The following FAM177A1 variants were observed in gnomAD, a reference collection of about 807,000 sequenced individuals.
The protein encoded by FAM177A1 is protein FAM177A1.
Under a neutral mutation model 26.1 loss-of-function variants are expected in FAM177A1, and 22 were observed. The ratio of observed to expected loss-of-function variants is 0.84; its 90% CI spans 0.60 to 1.20. The LOEUF is 1.20. Among genes scored for constraint, FAM177A1 ranks in the 50% most tolerant of loss-of-function variants. FAM177A1 has a pLI of 0.00. For synonymous variants in FAM177A1, 95 were observed against 99.3 expected, an observed-to-expected ratio of 0.96 and a Z score of 0.26; for missense variants, 296 against 291.1, an observed-to-expected ratio of 1.02 and a Z score of -0.12.
chr14:35,064,951 G>C (rs1318815503), intron 2 of FAM177A1, among the ~76,000 whole-genome samples: 2 of 152,120 alleles, frequency 1.3e-5, no homozygotes, highest in African/African-American at 4.8e-5. Context: ...TTACAGGCGT[G>C]AGCCACCGAG....
intron 2 of FAM177A1, among the ~76,000 whole-genome samples, chr14:35,059,033 T>A (rs1232055955): frequency 6.6e-6 from 1 of 152,052 alleles, no homozygotes; most frequent in Non-Finnish European, 1.5e-5. Flanking sequence ...CCTCCCGGGT[T>A]CACGCCATTC....
intron 2 of FAM177A1, among the ~76,000 whole-genome samples, chr14:35,057,325 A>G (rs1056190147): frequency 6.6e-6 from 1 of 152,246 alleles, no homozygotes; most frequent in African/African-American, 2.4e-5. Flanking sequence ...CCTCACAAGT[A>G]GTAGGGTTTA....
chr14:35,062,915 A>G (rs2045181369), intron 2 of FAM177A1, among the ~76,000 whole-genome samples: 2 of 148,768 alleles, frequency 1.3e-5, no homozygotes, highest in South Asian at 4.2e-4. Context: ...TAATTTTAGA[A>G]CTCGATTTGA....
At chr14:35,062,719 A>G (rs1460067268) in intron 2 of FAM177A1, among the ~76,000 whole-genome samples, 1 of 151,750 alleles carries the variant, frequency 6.6e-6, no homozygotes, top group Non-Finnish European at 1.5e-5. Flanking sequence ...GCTTGAGCCC[A>G]GGAATTCAAG....
At chr14:35,073,043 T>A (rs1394872708) in intron 2 of FAM177A1, among the ~76,000 whole-genome samples, 1 of 151,994 alleles carries the variant, frequency 6.6e-6, no homozygotes, top group Non-Finnish European at 1.5e-5. Flanking sequence ...ACTTTCATGA[T>A]GTTTTCTTTA....
chr14:35,060,707 G>A lies in FAM177A1; in HGVS notation c.339+7256G>A, dbSNP rs564474934. Among the ~76,000 whole-genome samples, 97 of 152,214 alleles carry A rather than the reference G, an allele frequency of 6.4e-4. 2 individuals are homozygous for A. In the South Asian group the frequency reaches 0.019, roughly 30 times the overall value. ...AATTAGCTAGCCTATAGTTTAGCCT[G>A]TATTTTTATTAAATCTAAGAATCTT... On this transcript the variant is annotated intron_variant, in intron 2 of 4. Transcript: ENST00000280987.
At chr14:35,066,260 G>A (rs919147369) in intron 2 of FAM177A1, among the ~76,000 whole-genome samples, 7 of 151,036 alleles carry the variant, frequency 4.6e-5, no homozygotes, top group Non-Finnish European at 1.0e-4. Flanking sequence ...TAGAGATAAG[G>A]TCTCATTATG....
Position 35,068,792 on chromosome 14 carries a change from G to A in FAM177A1, c.340-8358G>A, listed in dbSNP as rs559897942. Among the ~76,000 whole-genome samples the A allele has an allele frequency of 9.1e-4, 138 of 152,328 alleles. 2 individuals carry two copies. In the South Asian group the frequency reaches 0.028, roughly 30 times the overall value. ...TCATTGGCTTACAGTTGTGGAGGCT[G>A]GGAAGTCCAAGATTGAGCAACTGGC... On this transcript the variant is annotated intron_variant, in intron 2 of 4. Coordinates refer to ENST00000280987, the MANE Select transcript of FAM177A1 (RefSeq NM_173607.5).
intron 1 of FAM177A1, among the ~76,000 whole-genome samples, chr14:35,051,842 T>C (rs543592142): frequency 1.3e-5 from 2 of 152,342 alleles, no homozygotes; most frequent in African/African-American, 4.8e-5. Context: ...GATGAAACAA[T>C]GTATAAAAAC....
At chr14:35,071,984 A>G (rs900263572) in intron 2 of FAM177A1, among the ~76,000 whole-genome samples, 1 of 152,150 alleles carries the variant, frequency 6.6e-6, no homozygotes, top group Non-Finnish European at 1.5e-5. Context: ...AGCTATAGAA[A>G]AGAAAATGTT....
intron 2 of FAM177A1, among the ~76,000 whole-genome samples, chr14:35,072,517 TTCTG>T (rs1239774043): frequency 6.6e-6 from 1 of 152,150 alleles, no homozygotes; most frequent in Non-Finnish European, 1.5e-5. Context: ...ACGTAGTAAT[TTCTG>T]TCTGACTGTT....
chr14:35,055,251 C>T (rs143006209), intron 2 of FAM177A1, among the ~76,000 whole-genome samples: 2,147 of 144,534 alleles, frequency 0.015, 42 homozygotes, highest in African/African-American at 0.05. Flanking sequence ...TGCAGTGAGC[C>T]GAGATCGTGC....
intron 2 of FAM177A1, among the ~76,000 whole-genome samples, chr14:35,057,331 G>A (rs1470689779): frequency 6.6e-6 from 1 of 151,966 alleles, no homozygotes; most frequent in East Asian, 1.9e-4. Flanking sequence ...AAGTAGTAGG[G>A]TTTACAGATG....
rs964507364 is a variant in FAM177A1, at chr14:35,078,995, A to G, written c.475A>G (p.Ile159Val). 4.5e-6 allele frequency: 7 copies of G among 1,556,712 alleles called. No individual in the cohort carries two copies. Among genetic ancestry groups the G allele is most frequent in the African/African-American group, 1.4e-5 (1 of 70,834 alleles). ...GISTPKYQYA[I>V]DEYYRMKKEE... ...CAGCACCCCAAAGTACCAATATGCC[A>G]TTGATGAATATTATCGGATGAAGAA... is the stretch of plus-strand genomic sequence containing the variant. Residue 159 changes from isoleucine to valine, a missense_variant, in exon 4 of 5, where the codon ATT (isoleucine) becomes GTT (valine). Physicochemically the swap from Ile to Val is conservative, Grantham distance 29. Transcript: ENST00000280987.
At chr14:35,079,132 A>T in intron 4 of FAM177A1, 108 bp downstream of exon 4, 1 of 699,072 alleles carries the variant, frequency 1.4e-6, no homozygotes, top group Non-Finnish European at 2.4e-6. Flanking sequence ...TAGCTCTCTT[A>T]TGCTAGGCAT....
At chr14:35,074,560 A>C (rs888654267) in intron 2 of FAM177A1, among the ~76,000 whole-genome samples, 2 of 151,780 alleles carry the variant, frequency 1.3e-5, no homozygotes, top group Non-Finnish European at 2.9e-5. Flanking sequence ...TCCTGACCTC[A>C]GGTGATCCAC....
chr14:35,046,341 C>T lies in FAM177A1; in HGVS notation c.-123C>T, dbSNP rs917834721. 3.3e-6 allele frequency: 4 copies of T among 1,208,042 alleles called. No individual in the cohort carries two copies. In the African/African-American group the frequency reaches 6.4e-5, roughly 19 times the overall value. 74.8% of individuals were successfully genotyped at this position (1,208,042 alleles called of 1,614,324 possible). ...AGGCGAGGCGCGGGCTGGCCCCGCC[C>T]CTCAGGCCGGCGAGTCCCCTTCTCA... On this transcript the variant is annotated 5_prime_UTR_variant, in exon 1 of 5. Coordinates refer to ENST00000280987, the MANE Select transcript of FAM177A1 (RefSeq NM_173607.5).
At position 35,051,146 on chromosome 14, in the gene FAM177A1, G is replaced by T. The variant is rs993749583; in HGVS notation, c.166-2132G>T. Among the ~76,000 whole-genome samples, 3 of 152,034 alleles carry T rather than the reference G, an allele frequency of 2.0e-5. No homozygotes were observed. In the East Asian group the frequency reaches 5.8e-4, roughly 29 times the overall value. ...TATTATTTTTATTTTTTGAGATGGA[G>T]TCTCGCTGTGTGACCCAGACTGGAG... On this transcript the variant is annotated intron_variant, in intron 1 of 4. Transcript: ENST00000280987.
intron 2 of FAM177A1, among the ~76,000 whole-genome samples, chr14:35,063,159 CAAA>C (rs1247353359): frequency 5.2e-5 from 3 of 57,852 alleles, no homozygotes; most frequent in Non-Finnish European, 3.5e-5. Flanking sequence ...GACTCCATCT[CAAA>C]AAAAAAAAAA....
Sources: gnomAD v4.1 joint callset for allele counts (sites outside exome capture counted in the v4.1 genomes callset) on GRCh38, gnomAD v4.1.1 for gene constraint, MANE v1.5 for transcripts, NCBI Gene and HGNC (gene_info 2026-07-23, HGNC 2026-07-21) for gene names.